Variants in CLUAP1 observed in about 807,000 individuals in gnomAD.
The protein encoded by CLUAP1 is clusterin-associated protein 1.
In CLUAP1, 50 loss-of-function variants were observed where a neutral mutation model predicts 55.0. That is an observed-to-expected ratio of 0.91 (90% confidence interval 0.72 to 1.15). The LOEUF is 1.15. Among genes scored for constraint, CLUAP1 ranks in the 50% most tolerant of loss-of-function variants. CLUAP1 has a pLI of 0.00. For missense variants in CLUAP1, 530 were observed against 507.6 expected (o/e 1.04, Z -0.42); for synonymous variants, 195 against 175.4 (o/e 1.11, Z -0.88).
chr16:3,523,309 G>C lies in CLUAP1; in HGVS notation c.855+10G>C. ...GCAAGAAAGGTTTGAGGTGAGCTGA[G>C]CCTGTCCTCTGTTCAGCCATTCCTT... On this transcript the variant is annotated intron_variant, in intron 8 of 11. Coordinates refer to ENST00000576634, the MANE Select transcript of CLUAP1 (RefSeq NM_015041.3). 1 of 1,605,654 alleles carries C rather than the reference G, an allele frequency of 6.2e-7. No homozygotes were observed. Among genetic ancestry groups the C allele is most frequent in the East Asian group, 2.2e-5 (1 of 44,612 alleles).
upstream of CLUAP1, chr16:3,496,881 T>C (rs1240613483): frequency 3.3e-6 from 1 of 303,886 alleles, no homozygotes; most frequent in African/African-American, 2.2e-5. Context: ...TTCTTTTTTT[T>C]TTTTTTTAAG....
chr16:3,524,903 A>G (rs1168142083), intron 8 of CLUAP1, among the ~76,000 whole-genome samples: 1 of 152,144 alleles, frequency 6.6e-6, no homozygotes, highest in East Asian at 1.9e-4. Flanking sequence ...TAACCTGAGA[A>G]TGGTCATTTA....
At chr16:3,527,799 C>T (rs2151064977) in intron 9 of CLUAP1, among the ~76,000 whole-genome samples, 1 of 152,248 alleles carries the variant, frequency 6.6e-6, no homozygotes. Flanking sequence ...CTGTCTCTCT[C>T]TCCTCTCTGT....
At position 3,532,704 on chromosome 16, in the gene CLUAP1, G is replaced by T. The variant is rs192980675; in HGVS notation, c.1037-82G>T. ...TTATACGCAAAAGCCAACATGCCTGGCCAGAAAACAAATCTTGAATGCTAT... is the reference window on the plus strand; with the variant it reads ...TTATACGCAAAAGCCAACATGCCTGTCCAGAAAACAAATCTTGAATGCTAT... On this transcript the variant is annotated intron_variant, in intron 10 of 11. Transcript: ENST00000576634. 3.4e-6 allele frequency: 5 copies of T among 1,459,640 alleles called. No individual in the cohort carries two copies. In the East Asian group the frequency reaches 9.1e-5, roughly 27 times the overall value. The allele number at this position is 1,459,640 out of a possible 1,614,324, so 90.4% of individuals were successfully genotyped here.
chr16:3,511,281 A>G (rs1363953084), intron 4 of CLUAP1, among the ~76,000 whole-genome samples: 2 of 152,196 alleles, frequency 1.3e-5, no homozygotes, highest in South Asian at 2.1e-4. Context: ...TGAGCAGAGC[A>G]GGGAGACGTT....
intron 7 of CLUAP1, among the ~76,000 whole-genome samples, chr16:3,521,424 G>A (rs959909847): frequency 6.7e-6 from 1 of 150,086 alleles, no homozygotes; most frequent in Non-Finnish European, 1.5e-5. Context: ...GATTTTTATG[G>A]TTTTTTTTGT....
Position 3,533,139 on chromosome 16 carries a change from C to T in CLUAP1, c.1092+298C>T, listed in dbSNP as rs1169246369. ...GCTCTCTTAGGTAAATGCAAGACTT[C>T]CAGCTCCAAGAAGCAGGTTGGTTTT... On this transcript the variant is annotated intron_variant, in intron 11 of 11. Transcript: ENST00000576634. The T allele has an allele frequency of 4.6e-6, 7 of 1,536,014 alleles. No homozygotes were observed. The African/African-American group carries it at 6.8e-5, about 15-fold the overall frequency.
intron 1 of CLUAP1, among the ~76,000 whole-genome samples, chr16:3,502,671 T>C (rs1422942303): frequency 1.3e-5 from 2 of 152,166 alleles, no homozygotes; most frequent in African/African-American, 4.8e-5. Context: ...AATCCTGCCC[T>C]CTGGGGTTTG....
chr16:3,496,945 A>G (rs546742352), upstream of CLUAP1, among the ~76,000 whole-genome samples: 91 of 147,992 alleles, frequency 6.1e-4, no homozygotes, highest in African/African-American at 2.2e-3. Context: ...ATCTCGGTTC[A>G]CTGCAACCTC....
At chr16:3,521,243 A>C (rs897520965) in intron 7 of CLUAP1, among the ~76,000 whole-genome samples, 1 of 152,006 alleles carries the variant, frequency 6.6e-6, no homozygotes, top group African/African-American at 2.4e-5. Flanking sequence ...TAAAGCATCA[A>C]TTCATTTTTG....
chr16:3,509,217 C>T (rs1249457156), intron 4 of CLUAP1, among the ~76,000 whole-genome samples: 1 of 152,144 alleles, frequency 6.6e-6, no homozygotes, highest in East Asian at 1.9e-4. Flanking sequence ...GCACTGCGCT[C>T]CCGCCTAGGC....
upstream of CLUAP1, chr16:3,496,914 A>C (rs1596377320): frequency 3.3e-6 from 1 of 302,308 alleles, no homozygotes; most frequent in East Asian, 8.8e-5. Context: ...TTTGGCGCCC[A>C]GGCTGGAGTG....
chr16:3,512,858 T>A (rs965107799), intron 5 of CLUAP1, among the ~76,000 whole-genome samples: 8 of 152,034 alleles, frequency 5.3e-5, no homozygotes, highest in Non-Finnish European at 8.8e-5. Context: ...TTTTTTGTAT[T>A]TTTAGTAGAG....
chr16:3,512,307 G>A (rs2037643956), intron 4 of CLUAP1, 76 bp from the exon 5 acceptor site: 4 of 1,124,686 alleles, frequency 3.6e-6, no homozygotes, highest in South Asian at 2.5e-5. Flanking sequence ...AGCAGCCTGG[G>A]TAACATAGCC....
intron 2 of CLUAP1, 59 bp downstream of exon 2, chr16:3,504,890 T>G (rs919145075): frequency 2.0e-6 from 2 of 1,024,480 alleles, no homozygotes; most frequent in African/African-American, 3.2e-5. Context: ...TTATTAGTCA[T>G]CTAGAAAACA....
chr16:3,523,211 A>G lies in CLUAP1; in HGVS notation c.767A>G (p.Tyr256Cys). 2 of 1,614,004 alleles carry G rather than the reference A, an allele frequency of 1.2e-6. No homozygotes were observed. Among genetic ancestry groups the G allele is most frequent in the Non-Finnish European group, 1.7e-6 (2 of 1,179,948 alleles). ...EKTEEELQKQ[Y>C]DTYLEKFQNL... is the part of the protein sequence containing the mutation. The stretch of plus-strand genomic sequence containing the variant: ...ACTGAGGAAGAATTACAAAAGCAGT[A>G]TGACACTTATCTGGAGAAATTTCAA... The change falls in exon 8 of 12, where the codon TAT becomes TGT. Residue 256 changes from tyrosine (Y) to cysteine (C), a missense_variant. By Grantham distance (194) the Tyr-to-Cys change is radical. Transcript: ENST00000576634.
intron 8 of CLUAP1, among the ~76,000 whole-genome samples, chr16:3,524,562 A>T (rs146148192): frequency 7.1e-6 from 1 of 140,828 alleles, no homozygotes; most frequent in Non-Finnish European, 1.5e-5. Flanking sequence ...GCGCCACTGC[A>T]CTCTAGCCTG....
At chr16:3,516,909 A>T (rs1208201033) in intron 6 of CLUAP1, among the ~76,000 whole-genome samples, 1 of 152,200 alleles carries the variant, frequency 6.6e-6, no homozygotes, top group East Asian at 1.9e-4. Context: ...TATTGGAAGC[A>T]TGCAGAAGCC....
intron 6 of CLUAP1, 113 bp from the exon 7 acceptor site, chr16:3,519,790 T>A: frequency 1.9e-6 from 2 of 1,054,774 alleles, no homozygotes; most frequent in Non-Finnish European, 1.3e-6. Flanking sequence ...TTTGTTTGCT[T>A]TTGTGTTTGT....
Sources: allele counts gnomAD v4.1 joint callset (sites outside exome capture counted in the v4.1 genomes callset), GRCh38; gene constraint gnomAD v4.1.1; transcripts MANE v1.5; gene names NCBI Gene and HGNC (gene_info 2026-07-23, HGNC 2026-07-21).